POU6F2: variants seen among roughly 807,000 people sequenced by gnomAD.
POU6F2 encodes the protein POU domain, class 6, transcription factor 2.
In POU6F2, 31 loss-of-function variants were observed where a neutral mutation model predicts 71.3. The ratio of observed to expected loss-of-function variants is 0.43; its 90% CI spans 0.33 to 0.59. POU6F2 has a LOEUF of 0.59. Ranked by LOEUF, POU6F2 falls within the 20% of genes least tolerant of loss-of-function variation. The pLI is 0.04. For missense variants in POU6F2, 783 were observed against 856.8 expected, an observed-to-expected ratio of 0.91 and a Z score of 1.07; for synonymous variants, 347 against 355.7, an observed-to-expected ratio of 0.98 and a Z score of 0.27.
chr7:39,456,156 G>T (rs545258379), intron 8 of POU6F2, among the ~76,000 whole-genome samples: 1 of 152,266 alleles, frequency 6.6e-6, no homozygotes, highest in East Asian at 1.9e-4. Context: ...GGTTTCCCTA[G>T]AGCTGGTTAA....
chr7:39,050,189 C>A, intron 1 of POU6F2, among the ~76,000 whole-genome samples: 1 of 151,914 alleles, frequency 6.6e-6, no homozygotes, highest in East Asian at 1.9e-4. Context: ...TTTCCCCCAA[C>A]CCCCTTGCCA....
intron 4 of POU6F2, among the ~76,000 whole-genome samples, chr7:39,232,361 T>C (rs1794593328): frequency 6.6e-6 from 1 of 152,108 alleles, no homozygotes; most frequent in Non-Finnish European, 1.5e-5. Flanking sequence ...TGCTTACCTG[T>C]TTCTATTCCA....
At chr7:39,153,521 C>T (rs1019546683) in intron 2 of POU6F2, among the ~76,000 whole-genome samples, 1 of 152,090 alleles carries the variant, frequency 6.6e-6, no homozygotes, top group African/African-American at 2.4e-5. Flanking sequence ...TTCTAGATGT[C>T]AACAGAAGGG....
rs547897660 is a variant in POU6F2, at chr7:39,375,758, GC to G, written c.973-30838del. Among the ~76,000 whole-genome samples, 47 of 152,226 alleles carry G rather than the reference GC, an allele frequency of 3.1e-4. No individual in the cohort carries two copies. The South Asian group carries it at 6.0e-3, about 19-fold the overall frequency. On this transcript the variant is annotated intron_variant, in intron 5 of 9. Coordinates refer to ENST00000518318, the MANE Select transcript of POU6F2 (RefSeq NM_001370959.1). Reference sequence around the variant, plus strand: ...CAGTTAGCCCTAAAGGAGACATTTAGCCCCAAGAGACATACCCAGAGCTGTC... The same window carrying G: ...CAGTTAGCCCTAAAGGAGACATTTAGCCCAAGAGACATACCCAGAGCTGTC...
intron 2 of POU6F2, among the ~76,000 whole-genome samples, chr7:39,099,796 ACTT>A: frequency 6.6e-6 from 1 of 152,308 alleles, no homozygotes; most frequent in South Asian, 2.1e-4. Flanking sequence ...CCTTCCCCTC[ACTT>A]CTTAGCCCAA....
chr7:39,076,796 T>C (rs914547167), intron 1 of POU6F2, among the ~76,000 whole-genome samples: 3 of 152,122 alleles, frequency 2.0e-5, no homozygotes, highest in Non-Finnish European at 4.4e-5. Flanking sequence ...AGTTTTAAAA[T>C]GCTGGGACTA....
At chr7:39,204,390 C>A in intron 3 of POU6F2, 64 bp downstream of exon 3, 3 of 1,308,126 alleles carry the variant, frequency 2.3e-6, no homozygotes, top group South Asian at 2.9e-5. Flanking sequence ...TATAAATCAC[C>A]AAATAAATAA....
intron 2 of POU6F2, among the ~76,000 whole-genome samples, chr7:39,185,142 G>T (rs1310832297): frequency 1.3e-5 from 2 of 151,538 alleles, no homozygotes; most frequent in African/African-American, 4.8e-5. Flanking sequence ...ACCTAAAGAA[G>T]TTATGATGGC....
At chr7:39,182,193 C>T (rs1793448096) in intron 2 of POU6F2, among the ~76,000 whole-genome samples, 1 of 152,114 alleles carries the variant, frequency 6.6e-6, no homozygotes, top group Admixed American at 6.5e-5. Flanking sequence ...AACATTTATC[C>T]TTAATATGTG....
intron 5 of POU6F2, among the ~76,000 whole-genome samples, chr7:39,377,017 A>G (rs1786723433): frequency 6.7e-6 from 1 of 148,300 alleles, no homozygotes; most frequent in Admixed American, 6.8e-5. Flanking sequence ...GTTTAACTAT[A>G]TATTAAATAT....
intron 1 of POU6F2, among the ~76,000 whole-genome samples, chr7:39,082,391 T>C (rs1367417656): frequency 6.6e-6 from 1 of 152,224 alleles, no homozygotes; most frequent in Non-Finnish European, 1.5e-5. Flanking sequence ...TCTATTGTGA[T>C]AGTAACAATT....
chr7:39,030,740 T>A (rs1307930339), intron 1 of POU6F2, among the ~76,000 whole-genome samples: 2 of 151,172 alleles, frequency 1.3e-5, no homozygotes, highest in East Asian at 3.9e-4. Context: ...CTGGATCATA[T>A]GAGAAGATTA....
chr7:39,174,827 C>T (rs903296596), intron 2 of POU6F2, among the ~76,000 whole-genome samples: 14 of 152,196 alleles, frequency 9.2e-5, no homozygotes, highest in Non-Finnish European at 1.6e-4. Flanking sequence ...CTGATACTTG[C>T]AAGAACTGGT....
chr7:39,461,194 C>A (rs1403124772), intron 9 of POU6F2, among the ~76,000 whole-genome samples: 1 of 152,116 alleles, frequency 6.6e-6, no homozygotes, highest in Non-Finnish European at 1.5e-5. Context: ...TTTTAACTTG[C>A]CTTCCCAGAC....
chr7:39,042,043 T>C (rs1790203427), intron 1 of POU6F2, among the ~76,000 whole-genome samples: 1 of 151,962 alleles, frequency 6.6e-6, no homozygotes, highest in South Asian at 2.1e-4. Flanking sequence ...CTTGGATACA[T>C]ACTCTGAAGA....
At chr7:39,231,721 G>T (rs928762098) in intron 4 of POU6F2, among the ~76,000 whole-genome samples, 1 of 151,918 alleles carries the variant, frequency 6.6e-6, no homozygotes, top group African/African-American at 2.4e-5. Flanking sequence ...CTCTTCCTTC[G>T]GATCCAGTGG....
intron 1 of POU6F2, among the ~76,000 whole-genome samples, chr7:39,058,135 C>A (rs562251405): frequency 2.0e-4 from 30 of 152,294 alleles, no homozygotes; most frequent in African/African-American, 6.7e-4. Flanking sequence ...AATTCCTCCC[C>A]CCTTGTTTAA....
intron 7 of POU6F2, among the ~76,000 whole-genome samples, chr7:39,448,656 G>A (rs1294495780): frequency 6.6e-6 from 1 of 152,148 alleles, no homozygotes; most frequent in African/African-American, 2.4e-5. Context: ...CAATATTGCA[G>A]TCTAGTAATT....
chr7:39,056,662 C>CTCTGTGTGTGTG (rs1554313685), intron 1 of POU6F2, among the ~76,000 whole-genome samples: 8 of 113,328 alleles, frequency 7.1e-5, no homozygotes, highest in African/African-American at 2.6e-4. Context: ...CTCTCTCTCT[C>CTCTGTGTGTGTG]TGTGTGTGTG....
Sources: allele counts gnomAD v4.1 joint callset (sites outside exome capture counted in the v4.1 genomes callset), GRCh38; gene constraint gnomAD v4.1.1; transcripts MANE v1.5; gene names NCBI Gene and HGNC (gene_info 2026-07-23, HGNC 2026-07-21).